The following CDH2 variants were observed in gnomAD, a reference collection of about 807,000 sequenced individuals.
The protein encoded by CDH2 is cadherin 2.
A neutral mutation model predicts 92.0 loss-of-function variants in CDH2; 17 were observed. The ratio of observed to expected loss-of-function variants is 0.18; its 90% confidence interval spans 0.13 to 0.28. The LOEUF is 0.28. CDH2 is among the 10% of genes least tolerant of loss of function. The pLI, the probability that CDH2 is intolerant of heterozygous loss-of-function variation, is 1.00. For missense variants in CDH2, 862 were observed against 1,133.1 expected, an observed-to-expected ratio of 0.76 and a Z score of 3.44; for synonymous variants, 419 against 415.9, an observed-to-expected ratio of 1.01 and a Z score of -0.09.
At chr18:28,133,361 A>G (rs1442573677) in intron 2 of CDH2, among the ~76,000 whole-genome samples, 1 of 151,950 alleles carries the variant, frequency 6.6e-6, no homozygotes, top group African/African-American at 2.4e-5. Flanking sequence ...AGGCGGGTGG[A>G]TCGTGAGGTC....
At chr18:27,998,154 A>G (rs1335871557) in intron 7 of CDH2, among the ~76,000 whole-genome samples, 1 of 152,172 alleles carries the variant, frequency 6.6e-6, no homozygotes, top group Non-Finnish European at 1.5e-5. Context: ...CTCATCTGTG[A>G]AATGGGACTA....
Position 28,036,498 on chromosome 18 carries a change from G to A in CDH2, c.173-22589C>T, listed in dbSNP as rs55858602. On this transcript the variant is annotated intron_variant, in intron 2 of 15. Transcript: ENST00000269141. ...AAAGGAAAACATACAATTCTGCTTG[G>A]TTCTTTAATTTCTCAGTGAAGATAC... 2.4e-3 allele frequency: 3,823 copies of A among 1,599,414 alleles called. 6 individuals carry two copies. The highest frequency in any genetic ancestry group is 3.0e-3 in the Non-Finnish European group (3,540 of 1,168,852).
intron 15 of CDH2, among the ~76,000 whole-genome samples, chr18:27,955,838 C>T (rs771729699): frequency 1.1e-4 from 15 of 141,866 alleles, no homozygotes; most frequent in East Asian, 2.2e-4. Context: ...TGCTAGAGCA[C>T]GGCACATTGC....
intron 7 of CDH2, among the ~76,000 whole-genome samples, chr18:28,001,542 G>A (rs555338693): frequency 6.6e-6 from 1 of 152,192 alleles, no homozygotes; most frequent in Admixed American, 6.5e-5. Flanking sequence ...GAGTTTATCG[G>A]CATATAAAAA....
chr18:28,072,845 A>T (rs1333744553), intron 2 of CDH2, among the ~76,000 whole-genome samples: 1 of 152,260 alleles, frequency 6.6e-6, no homozygotes, highest in Non-Finnish European at 1.5e-5. Context: ...TGTTCAAAAT[A>T]AAAATCTATC....
intron 14 of CDH2, among the ~76,000 whole-genome samples, chr18:27,975,528 G>T (rs1273365970): frequency 1.3e-5 from 2 of 152,238 alleles, no homozygotes; most frequent in African/African-American, 4.8e-5. Context: ...TTTGGCACTG[G>T]CAGAAGCAAA....
chr18:28,074,691 CT>C (rs33980354), intron 2 of CDH2, among the ~76,000 whole-genome samples: 33,344 of 145,888 alleles, frequency 0.23, 4,255 homozygotes, highest in African/African-American at 0.33. Flanking sequence ...AAAGGAGGCC[CT>C]TTTTTTTTTT....
chr18:28,176,885 G>T, intron 1 of CDH2, 78 bp downstream of exon 1: 2 of 816,070 alleles, frequency 2.5e-6, no homozygotes, highest in Non-Finnish European at 3.1e-6. Flanking sequence ...CGGCCCCGCA[G>T]CGGCGCGGGG....
chr18:28,053,828 A>C (rs1222221746), intron 2 of CDH2, among the ~76,000 whole-genome samples: 2 of 152,150 alleles, frequency 1.3e-5, no homozygotes, highest in African/African-American at 4.8e-5. Flanking sequence ...GGTGAATCCA[A>C]ACATCCCTTG....
intron 1 of CDH2, among the ~76,000 whole-genome samples, chr18:28,155,284 T>C (rs1450213195): frequency 6.6e-6 from 1 of 152,092 alleles, no homozygotes; most frequent in African/African-American, 2.4e-5. Flanking sequence ...ATAATAATAA[T>C]AATAGCTAAA....
intron 2 of CDH2, among the ~76,000 whole-genome samples, chr18:28,077,166 T>C (rs2014736605): frequency 6.6e-6 from 1 of 152,200 alleles, no homozygotes; most frequent in South Asian, 2.1e-4. Flanking sequence ...TCTGGAACAC[T>C]GGCCACACTG....
chr18:28,098,016 T>C (rs891337916), intron 2 of CDH2, among the ~76,000 whole-genome samples: 5 of 152,144 alleles, frequency 3.3e-5, no homozygotes, highest in East Asian at 3.9e-4. Flanking sequence ...CAAAATTTCA[T>C]TGCAGAAAAT....
chr18:27,955,725 C>T (rs927927344), intron 15 of CDH2, among the ~76,000 whole-genome samples: 2 of 140,976 alleles, frequency 1.4e-5, no homozygotes, highest in African/African-American at 5.3e-5. Flanking sequence ...TTCTGATCAT[C>T]CTGGTAGTTT....
At chr18:27,941,193 G>A (rs959285515) in intron 6 of CDH2, among the ~76,000 whole-genome samples, 1 of 151,822 alleles carries the variant, frequency 6.6e-6, no homozygotes, top group Non-Finnish European at 1.5e-5. Flanking sequence ...CCGCCACCAC[G>A]CCCAGCTAAT....
chr18:27,960,707 T>C (rs2011379619), intron 15 of CDH2, among the ~76,000 whole-genome samples: 1 of 152,230 alleles, frequency 6.6e-6, no homozygotes, highest in African/African-American at 2.4e-5. Flanking sequence ...GCTGAATGGA[T>C]GATCTTACAT....
chr18:27,992,054 G>A (rs544026952), intron 9 of CDH2, among the ~76,000 whole-genome samples: 40 of 152,180 alleles, frequency 2.6e-4, no homozygotes, highest in South Asian at 2.5e-3. Flanking sequence ...ATTTCTTAAC[G>A]TCTCGGAAAT....
intron 1 of CDH2, among the ~76,000 whole-genome samples, chr18:28,174,608 A>G (rs968635330): frequency 2.6e-5 from 4 of 152,252 alleles, no homozygotes; most frequent in Non-Finnish European, 5.9e-5. Context: ...ACAATGGAAA[A>G]GCACATTATT....
chr18:27,956,379 G>A (rs1240984977), intron 15 of CDH2, among the ~76,000 whole-genome samples: 2 of 152,154 alleles, frequency 1.3e-5, no homozygotes, highest in Non-Finnish European at 2.9e-5. Flanking sequence ...AATTCTTGCT[G>A]AGCTTGTATT....
rs1205109742 is a variant in CDH2, at chr18:27,988,594, A to G, written c.1671T>C (p.Ala557=). Reference sequence around the variant, plus strand: ...CATTTGGTGATTCTCGGTCCAAAACAGCAATTGTAGTTATTTGTCCATTCA... The same window carrying G: ...CATTTGGTGATTCTCGGTCCAAAACGGCAATTGTAGTTATTTGTCCATTCA... ...DPVNGQITTI[A]VLDRESPNVK... Residue 557 remains alanine (A), a synonymous_variant, in exon 11 of 16, where the codon GCT becomes GCC. Coordinates refer to ENST00000269141, the MANE Select transcript of CDH2 (RefSeq NM_001792.5). The G allele has an allele frequency of 6.2e-7, 1 of 1,610,270 alleles. No individual in the cohort carries two copies. Among genetic ancestry groups the G allele is most frequent in the Non-Finnish European group, 8.5e-7 (1 of 1,176,674 alleles).
Sources: allele counts gnomAD v4.1 joint callset (sites outside exome capture counted in the v4.1 genomes callset), GRCh38; gene constraint gnomAD v4.1.1; transcripts MANE v1.5; gene names NCBI Gene and HGNC (gene_info 2026-07-23, HGNC 2026-07-21).